PDE4D: variants seen among roughly 807,000 people sequenced by gnomAD.
PDE4D encodes the protein 3',5'-cyclic-AMP phosphodiesterase 4D.
A neutral mutation model predicts 87.4 loss-of-function variants in PDE4D; 24 were observed. That is an observed-to-expected ratio of 0.27 (90% CI 0.20 to 0.39). PDE4D has a LOEUF of 0.39. Among genes scored for constraint, PDE4D ranks in the 10% least tolerant of loss-of-function variants. PDE4D has a pLI of 1.00. For synonymous variants in PDE4D, 384 were observed against 383.2 expected, an observed-to-expected ratio of 1.00 and a Z score of -0.02; for missense variants, 714 against 1,041.0, an observed-to-expected ratio of 0.69 and a Z score of 4.32.
chr5:60,256,996 C>A (rs141420043), intron 1 of PDE4D, among the ~76,000 whole-genome samples: 2 of 151,948 alleles, frequency 1.3e-5, no homozygotes, highest in African/African-American at 4.8e-5. Flanking sequence ...GGAATGTAAT[C>A]ATTTCATAAT....
chr5:59,040,481 G>A (rs1561370480), intron 5 of PDE4D, among the ~76,000 whole-genome samples: 2 of 152,186 alleles, frequency 1.3e-5, no homozygotes, highest in East Asian at 1.9e-4. Context: ...AGAAAATCTG[G>A]AAGGGTGTTT....
chr5:60,001,780 T>C (rs1017204526), intron 2 of PDE4D, among the ~76,000 whole-genome samples: 2 of 151,584 alleles, frequency 1.3e-5, no homozygotes, highest in Non-Finnish European at 2.9e-5. Context: ...AGTGTAGAGT[T>C]TTTGTATGTG....
intron 1 of PDE4D, among the ~76,000 whole-genome samples, chr5:60,420,692 AC>A (rs1561233496): frequency 6.6e-6 from 1 of 152,154 alleles, no homozygotes; most frequent in Non-Finnish European, 1.5e-5. Flanking sequence ...TCTCATTGGG[AC>A]TGATTGGACA....
Position 59,599,846 on chromosome 5 carries a change from G to A in PDE4D, c.455+293322C>T, listed in dbSNP as rs147836313. On this transcript the variant is annotated intron_variant, in intron 1 of 14. Coordinates refer to ENST00000340635, the MANE Select transcript of PDE4D (RefSeq NM_001104631.2). ...GTATTGACTCCTCTGGGATTGGAAG[G>A]CACAGAAAGTGGTGAGGAAAGGAAG... Among the ~76,000 whole-genome samples the A allele has an allele frequency of 1.6e-3, 251 of 152,276 alleles. 2 individuals are homozygous for A. The highest frequency in any genetic ancestry group is 5.8e-3 in the African/African-American group (243 of 41,568).
intron 1 of PDE4D, among the ~76,000 whole-genome samples, chr5:60,272,908 C>G (rs1750960456): frequency 6.6e-6 from 1 of 152,194 alleles, no homozygotes; most frequent in African/African-American, 2.4e-5. Flanking sequence ...AGAGAAGCCA[C>G]TATCTATAAT....
chr5:59,156,320 A>AATATATATATATATATATAT (rs1554082853), intron 5 of PDE4D, among the ~76,000 whole-genome samples: 11 of 81,756 alleles, frequency 1.3e-4, no homozygotes, highest in African/African-American at 4.6e-4. Context: ...AAAAAAAAAA[A>AATATATATATATATATATAT]ATATATATAT....
chr5:60,371,314 C>A (rs543984783), intron 1 of PDE4D, among the ~76,000 whole-genome samples: 2 of 152,330 alleles, frequency 1.3e-5, no homozygotes, highest in East Asian at 3.9e-4. Flanking sequence ...TTTGTCACAG[C>A]AAGATGCTGC....
chr5:59,116,431 T>C (rs1171496067), intron 5 of PDE4D, among the ~76,000 whole-genome samples: 1 of 152,136 alleles, frequency 6.6e-6, no homozygotes, highest in African/African-American at 2.4e-5. Flanking sequence ...AAAAACAACA[T>C]TTGGCAAGAA....
chr5:60,036,628 G>A (rs569476833), intron 2 of PDE4D, among the ~76,000 whole-genome samples: 1 of 152,242 alleles, frequency 6.6e-6, no homozygotes, highest in South Asian at 2.1e-4. Context: ...AGAATTATGG[G>A]GAAAAAAATT....
intron 2 of PDE4D, among the ~76,000 whole-genome samples, chr5:59,195,150 TA>T (rs1384619358): frequency 6.6e-6 from 1 of 152,160 alleles, no homozygotes; most frequent in Non-Finnish European, 1.5e-5. Context: ...CTGTAAGATA[TA>T]AACTTCTTTT....
intron 1 of PDE4D, among the ~76,000 whole-genome samples, chr5:60,409,685 C>T (rs1471179784): frequency 6.6e-6 from 1 of 152,228 alleles, no homozygotes; most frequent in East Asian, 1.9e-4. Context: ...TAATATTCAG[C>T]ATCTGGCATT....
intron 1 of PDE4D, among the ~76,000 whole-genome samples, chr5:59,379,248 A>C (rs1785305441): frequency 6.6e-6 from 1 of 152,158 alleles, no homozygotes; most frequent in African/African-American, 2.4e-5. Flanking sequence ...ATACATAAAT[A>C]ATTTCCTTAT....
chr5:60,288,246 C>A (rs1166213007), intron 1 of PDE4D, among the ~76,000 whole-genome samples: 1 of 152,146 alleles, frequency 6.6e-6, no homozygotes, highest in Non-Finnish European at 1.5e-5. Context: ...ATGAAATATA[C>A]CGATGATCTT....
At chr5:60,341,850 C>T (rs1758347351) in intron 1 of PDE4D, among the ~76,000 whole-genome samples, 1 of 152,144 alleles carries the variant, frequency 6.6e-6, no homozygotes, top group Non-Finnish European at 1.5e-5. Flanking sequence ...CAACCAAACA[C>T]AGACCCATCA....
chr5:60,212,031 G>A (rs1743278583), intron 1 of PDE4D, among the ~76,000 whole-genome samples: 1 of 152,152 alleles, frequency 6.6e-6, no homozygotes, highest in African/African-American at 2.4e-5. Context: ...AGCTCCCCAA[G>A]CATTACTTGC....
intron 1 of PDE4D, among the ~76,000 whole-genome samples, chr5:59,612,237 T>TTTGTTTG (rs1554042511): frequency 2.5e-4 from 38 of 150,510 alleles, no homozygotes; most frequent in Admixed American, 1.9e-3. Context: ...ACACTGTTTT[T>TTTGTTTG]TTTGTTTGTT....
chr5:60,045,374 C>T (rs1439917168), intron 2 of PDE4D, among the ~76,000 whole-genome samples: 1 of 152,152 alleles, frequency 6.6e-6, no homozygotes, highest in African/African-American at 2.4e-5. Context: ...TAATTAGATC[C>T]TATTTGTCAA....
chr5:60,415,228 A>G (rs1742389844), intron 1 of PDE4D, among the ~76,000 whole-genome samples: 1 of 152,270 alleles, frequency 6.6e-6, no homozygotes, highest in Non-Finnish European at 1.5e-5. Flanking sequence ...TGTAAGTCAT[A>G]TGTACCCCAT....
chr5:59,052,674 T>C (rs1761722945), intron 5 of PDE4D, among the ~76,000 whole-genome samples: 1 of 152,146 alleles, frequency 6.6e-6, no homozygotes, highest in Non-Finnish European at 1.5e-5. Flanking sequence ...TTAGCAACCA[T>C]GGGGCAAATT....
Sources: gnomAD v4.1 joint callset for allele counts (sites outside exome capture counted in the v4.1 genomes callset) on GRCh38, gnomAD v4.1.1 for gene constraint, MANE v1.5 for transcripts, NCBI Gene and HGNC (gene_info 2026-07-23, HGNC 2026-07-21) for gene names.